Variants in FAM185A observed in about 807,000 individuals in gnomAD.
FAM185A encodes the protein protein FAM185A.
A neutral mutation model predicts 45.7 loss-of-function variants in FAM185A; 21 were observed. The observed-to-expected ratio is 0.46, with a 90% CI of 0.33 to 0.66. The LOEUF is 0.66. Among genes scored for constraint, FAM185A ranks in the 30% least tolerant of loss-of-function variants. The probability of loss-of-function intolerance (pLI) is 0.03; values close to 1 mark genes in which losing one functional copy is unlikely to be tolerated. For synonymous variants in FAM185A, 117 were observed against 194.0 expected, an observed-to-expected ratio of 0.60 and a Z score of 3.30; for missense variants, 305 against 485.4, an observed-to-expected ratio of 0.63 and a Z score of 3.49.
chr7:102,782,993 T>A (rs917348944), intron 6 of FAM185A, among the ~76,000 whole-genome samples: 2 of 151,496 alleles, frequency 1.3e-5, no homozygotes, highest in Admixed American at 6.6e-5. Flanking sequence ...AGGCAGGGGT[T>A]GCAATCCTAG....
the FAM185A span, among the ~76,000 whole-genome samples, chr7:102,846,501 C>G: frequency 6.6e-6 from 1 of 150,786 alleles, no homozygotes; most frequent in African/African-American, 2.5e-5. Context: ...TGCCTGTAAT[C>G]CCAGCTACTT....
the FAM185A span, among the ~76,000 whole-genome samples, chr7:102,835,603 GTT>G: frequency 0.018 from 1,789 of 97,156 alleles, 8 homozygotes; most frequent in East Asian, 0.13. Flanking sequence ...AGGTGACATT[GTT>G]TTTTTTTTTT....
At chr7:102,795,268 G>A (rs546213936) in intron 7 of FAM185A, among the ~76,000 whole-genome samples, 4 of 152,266 alleles carry the variant, frequency 2.6e-5, no homozygotes, top group African/African-American at 9.6e-5. Context: ...TCACCATTAG[G>A]GGAACTGAGT....
the FAM185A span, among the ~76,000 whole-genome samples, chr7:102,834,206 T>A: frequency 6.6e-6 from 1 of 150,946 alleles, no homozygotes; most frequent in Non-Finnish European, 1.5e-5. Flanking sequence ...ATTATTATAA[T>A]TATCTACATG....
At chr7:102,815,819 G>C in the FAM185A span, among the ~76,000 whole-genome samples, 1 of 152,054 alleles carries the variant, frequency 6.6e-6, no homozygotes, top group Non-Finnish European at 1.5e-5. Context: ...TCCTATGGTT[G>C]CTCAGTCAGC....
chr7:102,751,603 C>T, intron 1 of FAM185A, 89 bp from the exon 2 acceptor site: 2 of 1,415,736 alleles, frequency 1.4e-6, no homozygotes, highest in Admixed American at 2.8e-5. Flanking sequence ...ATATTACGGA[C>T]ATAACTGAGG....
the FAM185A span, among the ~76,000 whole-genome samples, chr7:102,844,283 A>G: frequency 6.6e-6 from 1 of 152,254 alleles, no homozygotes; most frequent in Admixed American, 6.5e-5. Context: ...AACAATGACG[A>G]TTATCGAAGT....
chr7:102,813,496 T>C (rs1205659680), downstream of FAM185A: 5 of 1,614,060 alleles, frequency 3.1e-6, no homozygotes, highest in Non-Finnish European at 4.2e-6. Context: ...GTATTCCTGC[T>C]GCTGAACTTT....
At chr7:102,771,377 C>T (rs1794734070) in intron 4 of FAM185A, among the ~76,000 whole-genome samples, 1 of 152,118 alleles carries the variant, frequency 6.6e-6, no homozygotes, top group Non-Finnish European at 1.5e-5. Context: ...AATTAGTAAT[C>T]TTATAAGCTT....
At chr7:102,822,533 CT>C in the FAM185A span, 6 of 476,674 alleles carry the variant, frequency 1.3e-5, no homozygotes, top group Non-Finnish European at 2.5e-5. Context: ...ATGACCTCTT[CT>C]AAATCTGTTT....
intron 5 of FAM185A, among the ~76,000 whole-genome samples, chr7:102,774,062 G>C (rs1445524300): frequency 1.3e-5 from 2 of 151,960 alleles, no homozygotes; most frequent in African/African-American, 2.4e-5. Context: ...GAATCACATT[G>C]TATCTTCCAA....
chr7:102,800,300 C>T (rs571845929), intron 7 of FAM185A, among the ~76,000 whole-genome samples: 57 of 152,296 alleles, frequency 3.7e-4, no homozygotes, highest in African/African-American at 1.3e-3. Flanking sequence ...GAGAAGGAAC[C>T]AGAAAACTGT....
the FAM185A span, chr7:102,822,103 T>C: frequency 6.2e-7 from 1 of 1,614,208 alleles, no homozygotes; most frequent in East Asian, 2.2e-5. Context: ...TATCTGAAGG[T>C]CCTCAAGGAT....
intron 5 of FAM185A, among the ~76,000 whole-genome samples, chr7:102,772,993 A>G (rs565217949): frequency 1.1e-4 from 17 of 152,028 alleles, no homozygotes; most frequent in Non-Finnish European, 1.9e-4. Flanking sequence ...AACAAAAGGT[A>G]ATTTTAGTTT....
intron 7 of FAM185A, among the ~76,000 whole-genome samples, chr7:102,796,958 A>G (rs1265769823): frequency 3.3e-5 from 5 of 152,192 alleles, no homozygotes; most frequent in South Asian, 2.1e-4. Flanking sequence ...AACTATTACT[A>G]TTATTTTTTG....
chr7:102,813,955 T>C (rs1771090654), downstream of FAM185A, among the ~76,000 whole-genome samples: 1 of 152,116 alleles, frequency 6.6e-6, no homozygotes, highest in Non-Finnish European at 1.5e-5. Context: ...CCCTTTTGAC[T>C]ACATGGATGA....
At chr7:102,839,573 C>T in the FAM185A span, among the ~76,000 whole-genome samples, 1 of 152,250 alleles carries the variant, frequency 6.6e-6, no homozygotes, top group African/African-American at 2.4e-5. Flanking sequence ...GTTCCTCAGC[C>T]TCTAGCTGGG....
intron 6 of FAM185A, among the ~76,000 whole-genome samples, chr7:102,786,797 G>T (rs1795828490): frequency 6.6e-6 from 1 of 150,694 alleles, no homozygotes; most frequent in South Asian, 2.1e-4. Flanking sequence ...CCTGCACGTT[G>T]TGCACATGTA....
chr7:102,771,332 G>T (rs540307041), intron 4 of FAM185A, among the ~76,000 whole-genome samples: 247 of 152,158 alleles, frequency 1.6e-3, no homozygotes, highest in African/African-American at 5.8e-3. Flanking sequence ...TAACAAACCT[G>T]CACATGTATC....
Sources: allele counts gnomAD v4.1 joint callset (sites outside exome capture counted in the v4.1 genomes callset), GRCh38; gene constraint gnomAD v4.1.1; transcripts MANE v1.5; gene names NCBI Gene and HGNC (gene_info 2026-07-23, HGNC 2026-07-21).